The following FUCA2 variants were observed in gnomAD, a reference collection of about 807,000 sequenced individuals.
FUCA2 encodes plasma alpha-L-fucosidase.
Under a neutral mutation model 52.6 loss-of-function variants are expected in FUCA2, and 41 were observed. The observed-to-expected ratio is 0.78, with a 90% confidence interval of 0.61 to 1.01. The LOEUF is 1.01. Among genes scored for constraint, FUCA2 ranks in the 50% least tolerant of loss-of-function variants. FUCA2 has a pLI of 0.00. For missense variants in FUCA2, 507 were observed against 569.5 expected (o/e 0.89, Z 1.12); for synonymous variants, 211 against 217.3 (o/e 0.97, Z 0.26).
chr6:143,498,975 G>A (rs906406654), intron 5 of FUCA2, among the ~76,000 whole-genome samples: 25 of 152,184 alleles, frequency 1.6e-4, no homozygotes, highest in South Asian at 8.3e-4. Context: ...GACTATAAAA[G>A]AAGGGGAAAC....
rs1374202027 is a variant in FUCA2, at chr6:143,502,668, G to A, written c.753-103C>T. 21 of 988,846 alleles carry A rather than the reference G, an allele frequency of 2.1e-5. No individual in the cohort carries two copies. Among genetic ancestry groups the A allele is most frequent in the Non-Finnish European group, 3.1e-5 (21 of 670,980 alleles). 61.3% of individuals were successfully genotyped at this position (988,846 alleles called of 1,614,324 possible). A position where few individuals can be genotyped will look rare whatever the true frequency, so the allele number is the denominator to read the frequency against. On this transcript the variant is annotated intron_variant, in intron 3 of 6. Coordinates refer to ENST00000002165, the MANE Select transcript of FUCA2 (RefSeq NM_032020.5). The surrounding 1 kb of genome is among the most constrained non-coding windows in gnomAD (Gnocchi z 4.1). Reference sequence around the variant, plus strand: ...GTAATTGAAATACAATTCTGAAAAGGGACCATGGCATAGTACAGTGGAAAG... The same window carrying A: ...GTAATTGAAATACAATTCTGAAAAGAGACCATGGCATAGTACAGTGGAAAG...
At position 143,509,031 on chromosome 6, in the gene FUCA2, G is replaced by A. The variant is rs971765650; in HGVS notation, c.225-1607C>T. ...CACCCTCCTGAGTATCTGGGACTAC[G>A]GGCATTACATTTTAAATTGAACTGC... On this transcript the variant is annotated intron_variant, in intron 1 of 6. Transcript: ENST00000002165. The surrounding 1 kb of genome is among the most constrained non-coding windows in gnomAD (Gnocchi z 5.4). Among the ~76,000 whole-genome samples the A allele has an allele frequency of 4.6e-5, 7 of 152,060 alleles. No homozygotes were observed. Among genetic ancestry groups the A allele is most frequent in the African/African-American group, 1.7e-4 (7 of 41,386 alleles).
Position 143,507,011 on chromosome 6 carries a change from C to T in FUCA2, c.412+226G>A, listed in dbSNP as rs965918396. 3.7e-5 allele frequency: 18 copies of T among 480,534 alleles called. No homozygotes were observed. Among genetic ancestry groups the T allele is most frequent in the Non-Finnish European group, 5.8e-5 (16 of 277,384 alleles). 29.8% of individuals were successfully genotyped at this position (480,534 alleles called of 1,614,324 possible). Reference sequence around the variant, plus strand: ...ATTGTTCAAAATACATGTGACAAAACGTGACCATCTTTCCTCTGTTACGTG... The same window carrying T: ...ATTGTTCAAAATACATGTGACAAAATGTGACCATCTTTCCTCTGTTACGTG... On this transcript the variant is annotated intron_variant, in intron 2 of 6. Coordinates refer to ENST00000002165, the MANE Select transcript of FUCA2 (RefSeq NM_032020.5). This position sits in a 1 kb window ranked among gnomAD's most constrained non-coding sequence, Gnocchi z 4.5.
At position 143,511,036 on chromosome 6, in the gene FUCA2, C is replaced by T. The variant is rs1185828988; in HGVS notation, c.224+375G>A. 1.3e-5 allele frequency among the ~76,000 whole-genome samples: 2 copies of T among 152,186 alleles called. No individual in the cohort carries two copies. The highest frequency in any genetic ancestry group is 4.8e-5 in the African/African-American group (2 of 41,442). On this transcript the variant is annotated intron_variant, in intron 1 of 6. Transcript: ENST00000002165. This position sits in a 1 kb window ranked among gnomAD's most constrained non-coding sequence, Gnocchi z 6.3. Reference sequence around the variant, plus strand: ...AATTGGCAGGTAGCAGCAGAGCAACCATAGGCCATTGTGCCTGAGTCACCG... The same window carrying T: ...AATTGGCAGGTAGCAGCAGAGCAACTATAGGCCATTGTGCCTGAGTCACCG...
In FUCA2 at chr6:143,495,907, T is replaced by G. The variant is rs1041537033; in HGVS notation, c.1264-60A>C. On this transcript the variant is annotated intron_variant, in intron 6 of 6. Transcript: ENST00000002165. This position sits in a 1 kb window ranked among gnomAD's most constrained non-coding sequence, Gnocchi z 5.2. The stretch of plus-strand genomic sequence containing the variant: ...ATTTATCTCTTTATCTCACCCACTT[T>G]CTATTGGGAAGGAGTGATTAGTAGT... The G allele has an allele frequency of 1.3e-6, 2 of 1,568,874 alleles. No individual in the cohort carries two copies. The highest frequency in any genetic ancestry group is 3.4e-5 in the Admixed American group (2 of 58,580).
chr6:143,495,580 G>C lies in FUCA2; in HGVS notation c.*127C>G, dbSNP rs565235391. Reference sequence around the variant, plus strand: ...AAAAATTTAGTGGGAAAAAGGGAAAGGGCTGAACTGCCAAAATAATTTTCT... The same window carrying C: ...AAAAATTTAGTGGGAAAAAGGGAAACGGCTGAACTGCCAAAATAATTTTCT... On this transcript the variant is annotated 3_prime_UTR_variant, in exon 7 of 7. Coordinates refer to ENST00000002165, the MANE Select transcript of FUCA2 (RefSeq NM_032020.5). The surrounding 1 kb of genome is among the most constrained non-coding windows in gnomAD (Gnocchi z 5.2). 20 of 969,572 alleles carry C rather than the reference G, an allele frequency of 2.1e-5. No homozygotes were observed. The East Asian group carries it at 5.4e-4, about 26-fold the overall frequency. The allele number at this position is 969,572 out of a possible 1,614,324, so 60.1% of individuals were successfully genotyped here. A position where few individuals can be genotyped will look rare whatever the true frequency, so the allele number is the denominator to read the frequency against.
chr6:143,511,416 C>G lies in FUCA2; in HGVS notation c.219G>C (p.Trp73Cys). The G allele has an allele frequency of 6.2e-7, 1 of 1,610,528 alleles. No individual in the cohort carries two copies. The highest frequency in any genetic ancestry group is 1.3e-5 in the African/African-American group (1 of 74,962). Residue 73 changes from tryptophan (W) to cysteine (C), a missense_variant, in exon 1 of 7, where the codon TGG (tryptophan) becomes TGC (cysteine). Physicochemically the swap from Trp to Cys is radical, Grantham distance 215 (BLOSUM62 -2). Coordinates refer to ENST00000002165, the MANE Select transcript of FUCA2 (RefSeq NM_032020.5). This position sits in a 1 kb window ranked among gnomAD's most constrained non-coding sequence, Gnocchi z 6.3. ...VFSVPSFGSE[W>C]FWWYWQKEKI... ...ACAAAAGGGAGCGCACTCACCAGAA[C>G]CACTCGCTACCGAAGCTGGGCACGG...
chr6:143,506,554 C>T (rs1034848081), intron 2 of FUCA2: 4 of 151,966 alleles, frequency 2.6e-5, no homozygotes, highest in Non-Finnish European at 4.4e-5. Flanking sequence ...ATGAACAAGC[C>T]GTTGGAACAA....
At position 143,495,317 on chromosome 6, in the gene FUCA2, A is replaced by G. The variant is rs1170819678; in HGVS notation, c.*390T>C. ...ATGATGTTGGCACAAAAAAAAATTGACTAGCAATGCATTTCCCAGAAAATA... is the reference window on the plus strand; with the variant it reads ...ATGATGTTGGCACAAAAAAAAATTGGCTAGCAATGCATTTCCCAGAAAATA... On this transcript the variant is annotated 3_prime_UTR_variant, in exon 7 of 7. Transcript: ENST00000002165. The surrounding 1 kb of genome is among the most constrained non-coding windows in gnomAD (Gnocchi z 5.2). 5.8e-6 allele frequency: 1 copy of G among 171,036 alleles called. No individual in the cohort carries two copies. The highest frequency in any genetic ancestry group is 2.4e-5 in the African/African-American group (1 of 42,016). The allele number at this position is 171,036 out of a possible 1,614,324, so 10.6% of individuals were successfully genotyped here.
At position 143,511,561 on chromosome 6, in the gene FUCA2, G is replaced by GCT; in HGVS notation, c.73_74insAG (p.Pro25GlnfsTer67). On this transcript the variant is annotated frameshift_variant, in exon 1 of 7. Coordinates refer to ENST00000002165, the MANE Select transcript of FUCA2 (RefSeq NM_032020.5). LOFTEE classifies it high-confidence loss of function. This position sits in a 1 kb window ranked among gnomAD's most constrained non-coding sequence, Gnocchi z 6.3. The stretch of plus-strand genomic sequence containing the variant: ...GCGCGTGGCGCTGTGGGCAGGGCAC[G>GCT]GCGGCGGCGGCAGCAGCAGCAACAG... 1 of 1,565,266 alleles carries GCT rather than the reference G, an allele frequency of 6.4e-7. No individual in the cohort carries two copies. Among genetic ancestry groups the GCT allele is most frequent in the Non-Finnish European group, 8.7e-7 (1 of 1,155,608 alleles).
chr6:143,503,718 T>G lies in FUCA2; in HGVS notation c.752+195A>C, dbSNP rs1308438295. On this transcript the variant is annotated intron_variant, in intron 3 of 6. Transcript: ENST00000002165. This position sits in a 1 kb window ranked among gnomAD's most constrained non-coding sequence, Gnocchi z 4.8. ...TCAAAATCAGACCATTGAGTTGGAT[T>G]TTACTCCTGATTTATTTACCCTTGA... The G allele has an allele frequency of 1.2e-5, 6 of 512,484 alleles. No homozygotes were observed. Among genetic ancestry groups the G allele is most frequent in the Non-Finnish European group, 2.0e-5 (6 of 293,978 alleles). The allele number at this position is 512,484 out of a possible 1,614,324, so 31.7% of individuals were successfully genotyped here.
chr6:143,508,563 G>A (rs769499174), intron 1 of FUCA2, among the ~76,000 whole-genome samples: 2 of 152,364 alleles, frequency 1.3e-5, no homozygotes, highest in Non-Finnish European at 2.9e-5. Context: ...GCTGCGACAG[G>A]GATGTGAGAT....
Position 143,500,185 on chromosome 6 carries a change from T to C in FUCA2, c.1154+1747A>G, listed in dbSNP as rs976388302. 7.2e-5 allele frequency among the ~76,000 whole-genome samples: 11 copies of C among 152,000 alleles called. No individual in the cohort carries two copies. Among genetic ancestry groups the C allele is most frequent in the Admixed American group, 7.2e-4 (11 of 15,256 alleles). Reference sequence around the variant, plus strand: ...AGGGAGCAAGGGTTCAGGAGTTGGGTGTATGCAATAGATTAGTTACAGTGA... The same window carrying C: ...AGGGAGCAAGGGTTCAGGAGTTGGGCGTATGCAATAGATTAGTTACAGTGA... On this transcript the variant is annotated intron_variant, in intron 5 of 6. Transcript: ENST00000002165. This position sits in a 1 kb window ranked among gnomAD's most constrained non-coding sequence, Gnocchi z 6.9.
In FUCA2 at chr6:143,502,370, A is replaced by G; in HGVS notation, c.948T>C (p.Ile316=). The G allele has an allele frequency of 9.9e-6, 16 of 1,613,940 alleles. No homozygotes were observed. The highest frequency in any genetic ancestry group is 1.4e-5 in the Non-Finnish European group (16 of 1,179,866). The part of the protein sequence containing the change: ...REAGISDYLT[I]EELVKQLVET... Reference sequence around the variant, plus strand: ...TTCACTGTACCTTCACCAATTCTTCAATTGTAAGATAGTCAGAGATTCCAG... The same window carrying G: ...TTCACTGTACCTTCACCAATTCTTCGATTGTAAGATAGTCAGAGATTCCAG... The change falls in exon 4 of 7, where the codon ATT becomes ATC. Residue 316 remains isoleucine, a synonymous_variant. Transcript: ENST00000002165. This position sits in a 1 kb window ranked among gnomAD's most constrained non-coding sequence, Gnocchi z 4.1.
chr6:143,496,927 A>AGG (rs1219530357), intron 6 of FUCA2: 1 of 152,720 alleles, frequency 6.5e-6, no homozygotes, highest in Non-Finnish European at 1.5e-5. Flanking sequence ...GGAAACAAAA[A>AGG]GTTTCAAAGA....
chr6:143,503,988 C>G lies in FUCA2; in HGVS notation c.677G>C (p.Trp226Ser). 3.7e-6 allele frequency: 6 copies of G among 1,614,172 alleles called. No homozygotes were observed. The highest frequency in any genetic ancestry group is 5.1e-6 in the Non-Finnish European group (6 of 1,180,028). Residue 226 changes from tryptophan (W) to serine (S), a missense_variant, in exon 3 of 7, where the codon TGG (tryptophan) becomes TCG (serine). Coordinates refer to ENST00000002165, the MANE Select transcript of FUCA2 (RefSeq NM_032020.5). This position sits in a 1 kb window ranked among gnomAD's most constrained non-coding sequence, Gnocchi z 4.8. ...LVNNYQPEVL[W>S]SDGDGGAPDQ... ...CGGTGCTCCTCCGTCACCATCCGAC[C>G]ACAGAACCTCAGGCTGATAGTTGTT... is the stretch of plus-strand genomic sequence containing the variant.
At position 143,503,797 on chromosome 6, in the gene FUCA2, T is replaced by A. The variant is rs1584028012; in HGVS notation, c.752+116A>T. 2.7e-6 allele frequency: 2 copies of A among 731,584 alleles called. No individual in the cohort carries two copies. The highest frequency in any genetic ancestry group is 4.4e-6 in the Non-Finnish European group (2 of 453,458). The allele number at this position is 731,584 out of a possible 1,614,324, so 45.3% of individuals were successfully genotyped here. Reference sequence around the variant, plus strand: ...ATAAGTATTATTTACAATGATTTTCTCCCCCCATACCACCAATGACTTAAA... The same window carrying A: ...ATAAGTATTATTTACAATGATTTTCACCCCCCATACCACCAATGACTTAAA... On this transcript the variant is annotated intron_variant, in intron 3 of 6. Coordinates refer to ENST00000002165, the MANE Select transcript of FUCA2 (RefSeq NM_032020.5). The surrounding 1 kb of genome is among the most constrained non-coding windows in gnomAD (Gnocchi z 4.8).
chr6:143,496,841 G>A (rs1320765600), intron 6 of FUCA2: 1 of 152,206 alleles, frequency 6.6e-6, no homozygotes, highest in East Asian at 1.9e-4. Context: ...AACGTAAAAT[G>A]ACTGTGAAGA....
At position 143,503,863 on chromosome 6, in the gene FUCA2, A is replaced by G. The variant is rs372781444; in HGVS notation, c.752+50T>C. On this transcript the variant is annotated intron_variant, in intron 3 of 6. Coordinates refer to ENST00000002165, the MANE Select transcript of FUCA2 (RefSeq NM_032020.5). This position sits in a 1 kb window ranked among gnomAD's most constrained non-coding sequence, Gnocchi z 4.8. Reference sequence around the variant, plus strand: ...AGGTGAAGGAATTAAAATGTTAGAAATATATTAGGAATATGGAGGGTAACT... The same window carrying G: ...AGGTGAAGGAATTAAAATGTTAGAAGTATATTAGGAATATGGAGGGTAACT... The G allele has an allele frequency of 2.0e-5, 27 of 1,367,928 alleles. No individual in the cohort carries two copies. In the African/African-American group the frequency reaches 3.9e-4, roughly 20 times the overall value. The allele number at this position is 1,367,928 out of a possible 1,614,324, so 84.7% of individuals were successfully genotyped here.
Sources: allele counts gnomAD v4.1 joint callset (sites outside exome capture counted in the v4.1 genomes callset), GRCh38; gene constraint gnomAD v4.1.1; non-coding constraint Gnocchi (gnomAD v3.1); transcripts MANE v1.5; gene names NCBI Gene and HGNC (gene_info 2026-07-23, HGNC 2026-07-21).